The following AMN1 variants were observed in gnomAD, a reference collection of about 807,000 sequenced individuals.
AMN1 encodes antagonist of mitotic exit network 1 homolog.
In AMN1, 20 loss-of-function variants were observed where a neutral mutation model predicts 33.0. The observed-to-expected ratio is 0.61, with a 90% CI of 0.43 to 0.88. AMN1 has a LOEUF of 0.88. Among genes scored for constraint, AMN1 ranks in the 40% least tolerant of loss-of-function variants. The pLI is 0.00. For missense variants in AMN1, 246 were observed against 307.4 expected (o/e 0.80, Z 1.49); for synonymous variants, 114 against 111.9 (o/e 1.02, Z -0.12).
intron 3 of AMN1, 54 bp from the exon 4 acceptor site, chr12:31,698,011 A>T: frequency 6.5e-7 from 1 of 1,537,156 alleles, no homozygotes. Context: ...ATATGTATAC[A>T]TGAGAAATGT....
rs925304425 is a variant in AMN1 at position 31,709,397 on chromosome 12, A to T, written c.67T>A (p.Ser23Thr). ...GGCTTAATGTCTGTGAGATATCTGG[A>T]AATATTCTTCATGAAGCACCAAAGG... ...LCLWCFMKNI[S>T]RYLTDIKPLP... The change falls in exon 2 of 7, where the codon TCC (serine) becomes ACC (threonine). Residue 23 changes from serine (S) to threonine (T), a missense_variant. Physicochemically the swap from Ser to Thr is moderately conservative, Grantham distance 58. Coordinates refer to ENST00000281471, the MANE Select transcript of AMN1 (RefSeq NM_001113402.2). The T allele has an allele frequency of 9.3e-6, 15 of 1,613,544 alleles. No individual in the cohort carries two copies. The Admixed American group carries it at 2.3e-4, about 25-fold the overall frequency.
At chr12:31,707,931 T>C (rs1026311517) in intron 2 of AMN1, among the ~76,000 whole-genome samples, 1 of 152,220 alleles carries the variant, frequency 6.6e-6, no homozygotes, top group East Asian at 1.9e-4. Context: ...TAATTTCTTA[T>C]GCCTGTCTTT....
chr12:31,728,480 G>A (rs1940172565), intron 1 of AMN1, among the ~76,000 whole-genome samples: 1 of 152,214 alleles, frequency 6.6e-6, no homozygotes, highest in Admixed American at 6.5e-5. Context: ...ATGGTCACGT[G>A]GCTGGTGAAT....
chr12:31,689,257 T>TA, intron 5 of AMN1, 139 bp from the exon 6 acceptor site: 1 of 624,700 alleles, frequency 1.6e-6, no homozygotes, highest in Non-Finnish European at 2.7e-6. Flanking sequence ...AAGACCAATA[T>TA]AAGTCTGAAG....
rs142537579 is a variant in AMN1 at position 31,728,517 on chromosome 12, A to G, written c.38+454T>C. ...GCAGAGCCGGGGGCTGAACCCAGCA[A>G]TCTCAGCCAGGGATCCGTGGTCTTA... On this transcript the variant is annotated intron_variant, in intron 1 of 6. Transcript: ENST00000281471. Among the ~76,000 whole-genome samples the G allele has an allele frequency of 2.1e-3, 319 of 152,344 alleles. 1 individual carries two copies. The highest frequency in any genetic ancestry group is 3.3e-3 in the Non-Finnish European group (225 of 68,032).
At chr12:31,695,091 A>C (rs1397913207) in intron 5 of AMN1, among the ~76,000 whole-genome samples, 1 of 152,222 alleles carries the variant, frequency 6.6e-6, no homozygotes, top group Admixed American at 6.5e-5. Flanking sequence ...AAAATAAAAA[A>C]TGTAATGATA....
chr12:31,695,135 AT>A (rs919272830), intron 5 of AMN1, among the ~76,000 whole-genome samples: 15 of 152,238 alleles, frequency 9.9e-5, no homozygotes, highest in African/African-American at 3.1e-4. Context: ...TGGTTATTGC[AT>A]TTTTTTCTCA....
At chr12:31,685,950 A>C (rs1306788931) in intron 6 of AMN1, among the ~76,000 whole-genome samples, 1 of 152,052 alleles carries the variant, frequency 6.6e-6, no homozygotes, top group Non-Finnish European at 1.5e-5. Context: ...AGTGTGATTA[A>C]GCTCATTGCA....
chr12:31,709,514 T>C, intron 1 of AMN1, 89 bp from the exon 2 acceptor site: 1 of 1,466,646 alleles, frequency 6.8e-7, no homozygotes, highest in Non-Finnish European at 9.1e-7. Context: ...CACTTAGCCC[T>C]TTCATAAAAG....
At chr12:31,711,633 T>C (rs1005161683) in intron 1 of AMN1, among the ~76,000 whole-genome samples, 1 of 152,130 alleles carries the variant, frequency 6.6e-6, no homozygotes, top group African/African-American at 2.4e-5. Flanking sequence ...ATGTGATAAT[T>C]TGATACATTC....
At chr12:31,684,491 G>T (rs1298291777) in intron 6 of AMN1, among the ~76,000 whole-genome samples, 1 of 143,846 alleles carries the variant, frequency 7.0e-6, no homozygotes, top group Non-Finnish European at 1.5e-5. Context: ...TTTTTTTTGA[G>T]ATGGAGTCTC....
chr12:31,726,070 T>C (rs2139738307), intron 1 of AMN1, among the ~76,000 whole-genome samples: 1 of 152,312 alleles, frequency 6.6e-6, no homozygotes, highest in African/African-American at 2.4e-5. Flanking sequence ...CTGGATATTC[T>C]GATTCATTTT....
chr12:31,697,701 A>G, intron 4 of AMN1, 39 bp downstream of exon 4: 1 of 1,576,764 alleles, frequency 6.3e-7, no homozygotes, highest in South Asian at 1.1e-5. Context: ...CATTTGGTAA[A>G]CACATAGTCT....
intron 6 of AMN1, chr12:31,672,924 ATAC>A (rs1442232258): frequency 6.5e-6 from 1 of 153,502 alleles, no homozygotes; most frequent in Non-Finnish European, 1.5e-5. Context: ...TGTCTGTATA[ATAC>A]TACTATAAAG....
Position 31,687,444 on chromosome 12 carries a change from A to G in AMN1, c.703+1563T>C, listed in dbSNP as rs1283947450. ...GGTGGCTCACGCCTGTGATCCCAGC[A>G]CTTTGGGAGGCTGGGGTGGGTGGAT... On this transcript the variant is annotated intron_variant, in intron 6 of 6. Coordinates refer to ENST00000281471, the MANE Select transcript of AMN1 (RefSeq NM_001113402.2). The surrounding 1 kb of genome is among the most constrained non-coding windows in gnomAD (Gnocchi z 4.1). Among the ~76,000 whole-genome samples, 1 of 152,170 alleles carries G rather than the reference A, an allele frequency of 6.6e-6. No individual in the cohort carries two copies. Among genetic ancestry groups the G allele is most frequent in the Non-Finnish European group, 1.5e-5 (1 of 68,028 alleles).
intron 1 of AMN1, chr12:31,719,303 T>C (rs1939796314): frequency 3.1e-6 from 3 of 971,728 alleles, no homozygotes; most frequent in Non-Finnish European, 3.7e-6. Flanking sequence ...TTAGCCATCT[T>C]GGAAGTGACC....
At chr12:31,723,381 G>T (rs1351711403) in intron 1 of AMN1, among the ~76,000 whole-genome samples, 1 of 151,972 alleles carries the variant, frequency 6.6e-6, no homozygotes, top group Non-Finnish European at 1.5e-5. Context: ...TGCGATCTCG[G>T]CTCACTGCAA....
At chr12:31,725,127 G>T (rs902087495) in intron 1 of AMN1, among the ~76,000 whole-genome samples, 12 of 152,330 alleles carry the variant, frequency 7.9e-5, no homozygotes, top group African/African-American at 2.9e-4. Flanking sequence ...CAAAGTTTGT[G>T]ACTTAGTTTA....
At chr12:31,684,654 G>A (rs1335853786) in intron 6 of AMN1, among the ~76,000 whole-genome samples, 1 of 151,954 alleles carries the variant, frequency 6.6e-6, no homozygotes, top group Non-Finnish European at 1.5e-5. Context: ...TGTATTTTTA[G>A]TACGGACAGG....
Sources: gnomAD v4.1 joint callset for allele counts (sites outside exome capture counted in the v4.1 genomes callset) on GRCh38, gnomAD v4.1.1 for gene constraint, Gnocchi (gnomAD v3.1) non-coding constraint, MANE v1.5 for transcripts, NCBI Gene and HGNC (gene_info 2026-07-23, HGNC 2026-07-21) for gene names.